Variants in VAMP5 observed in about 807,000 individuals in gnomAD.
The protein encoded by VAMP5 is vesicle-associated membrane protein 5.
In VAMP5, 10 loss-of-function variants were observed where a neutral mutation model predicts 8.1. The ratio of observed to expected loss-of-function variants is 1.23; its 90% CI spans 0.76 to 2.09. The LOEUF (loss-of-function observed/expected upper bound fraction) is 2.09. Among genes scored for constraint, VAMP5 ranks in the 30% most tolerant of loss-of-function variants. The probability of loss-of-function intolerance (pLI) is 0.00; values close to 1 mark genes in which losing one functional copy is unlikely to be tolerated. For synonymous variants in VAMP5, 62 were observed against 60.6 expected (o/e 1.02, Z -0.11); for missense variants, 135 against 152.5 (o/e 0.89, Z 0.60).
At chr2:85,585,969 G>A (rs1672454160) in intron 1 of VAMP5, among the ~76,000 whole-genome samples, 1 of 152,224 alleles carries the variant, frequency 6.6e-6, no homozygotes, top group Admixed American at 6.5e-5. Flanking sequence ...GAACAAAGCA[G>A]TGATGGGAAA....
At chr2:85,586,359 G>A (rs909168264) in intron 1 of VAMP5, among the ~76,000 whole-genome samples, 1 of 151,914 alleles carries the variant, frequency 6.6e-6, no homozygotes. Context: ...GGCAGATCAC[G>A]AGTTCAACAG....
intron 1 of VAMP5, among the ~76,000 whole-genome samples, chr2:85,587,375 T>A (rs1364654968): frequency 1.3e-5 from 2 of 151,876 alleles, no homozygotes; most frequent in Non-Finnish European, 2.9e-5. Context: ...TGCCTCAGCC[T>A]CCCGAGTAGC....
At chr2:85,586,992 G>C (rs569894440) in intron 1 of VAMP5, among the ~76,000 whole-genome samples, 1 of 151,272 alleles carries the variant, frequency 6.6e-6, no homozygotes, top group African/African-American at 2.4e-5. Flanking sequence ...GGAGAATGGC[G>C]TGAACCCAGG....
intron 1 of VAMP5, among the ~76,000 whole-genome samples, chr2:85,588,923 A>G (rs930738155): frequency 4.6e-5 from 7 of 152,010 alleles, no homozygotes; most frequent in Admixed American, 6.6e-5. Flanking sequence ...CGCACAGTGT[A>G]ACTCTTTACT....
chr2:85,586,449 G>T (rs555082359), intron 1 of VAMP5, among the ~76,000 whole-genome samples: 1 of 152,168 alleles, frequency 6.6e-6, no homozygotes, highest in Non-Finnish European at 1.5e-5. Flanking sequence ...GGTGGCACAC[G>T]CCTGTAGTCC....
At chr2:85,586,089 G>A (rs1001074631) in intron 1 of VAMP5, among the ~76,000 whole-genome samples, 3 of 152,178 alleles carry the variant, frequency 2.0e-5, no homozygotes, top group African/African-American at 4.8e-5. Context: ...ACACAAATTA[G>A]GTTGGTAGCA....
intron 1 of VAMP5, among the ~76,000 whole-genome samples, chr2:85,589,949 C>T (rs866995255): frequency 6.2e-4 from 95 of 152,276 alleles, no homozygotes; most frequent in African/African-American, 2.0e-3. Context: ...TGAGCCACTG[C>T]GCCCAGCCTG....
chr2:85,586,860 G>C (rs1672468533), intron 1 of VAMP5, among the ~76,000 whole-genome samples: 1 of 152,082 alleles, frequency 6.6e-6, no homozygotes, highest in Non-Finnish European at 1.5e-5. Flanking sequence ...TGGATCACGA[G>C]GTCAGGAGTT....
In VAMP5 at chr2:85,589,201, G is replaced by A. The variant is rs192247659; in HGVS notation, c.4-2524G>A. Among the ~76,000 whole-genome samples, 11 of 152,338 alleles carry A rather than the reference G, an allele frequency of 7.2e-5. No homozygotes were observed. The East Asian group carries it at 1.4e-3, about 19-fold the overall frequency. On this transcript the variant is annotated intron_variant, in intron 1 of 2. Coordinates refer to ENST00000306384, the MANE Select transcript of VAMP5 (RefSeq NM_006634.3). Reference sequence around the variant, plus strand: ...ACATTATGCTGAGTGACAGTGTGGCGTAAGGCAGTATGGCCCTTGTCCTCT... The same window carrying A: ...ACATTATGCTGAGTGACAGTGTGGCATAAGGCAGTATGGCCCTTGTCCTCT...
intron 1 of VAMP5, among the ~76,000 whole-genome samples, chr2:85,589,502 C>T (rs948783209): frequency 2.2e-4 from 33 of 152,246 alleles, no homozygotes; most frequent in Non-Finnish European, 4.0e-4. Flanking sequence ...CCAAATATCA[C>T]CCCTTGTTGA....
chr2:85,592,210 G>A (rs934052874), intron 2 of VAMP5, among the ~76,000 whole-genome samples: 8 of 152,156 alleles, frequency 5.3e-5, no homozygotes, highest in Non-Finnish European at 1.2e-4. Context: ...TGATCCTCCT[G>A]CCTCAGCCTC....
intron 1 of VAMP5, 95 bp downstream of exon 1, chr2:85,584,588 T>G (rs1573348573): frequency 8.2e-7 from 1 of 1,216,790 alleles, no homozygotes; most frequent in Non-Finnish European, 1.0e-6. Flanking sequence ...GGCTGGGGCC[T>G]CCCCTGGGGC....
Position 85,591,804 on chromosome 2 carries a change from T to C in VAMP5, c.83T>C (p.Leu28Pro). The part of the protein sequence containing the change: ...EIMRNNFGKV[L>P]ERGVKLAELQ... ...ATGCGTAACAACTTCGGCAAGGTCCTGGAGCGTGGTGTGAAGCTGGCCGAA... is the reference window on the plus strand; with the variant it reads ...ATGCGTAACAACTTCGGCAAGGTCCCGGAGCGTGGTGTGAAGCTGGCCGAA... Residue 28 changes from leucine to proline, a missense_variant, in exon 2 of 3, where the codon CTG (leucine) becomes CCG (proline). Leu to Pro is a moderately conservative substitution (Grantham distance 98). Coordinates refer to ENST00000306384, the MANE Select transcript of VAMP5 (RefSeq NM_006634.3). 1.2e-6 allele frequency: 2 copies of C among 1,614,180 alleles called. No homozygotes were observed. The highest frequency in any genetic ancestry group is 1.7e-6 in the Non-Finnish European group (2 of 1,180,032).
At position 85,593,332 on chromosome 2, in the gene VAMP5, T is replaced by C. The variant is rs1672578719; in HGVS notation, c.*175T>C. 7 of 699,414 alleles carry C rather than the reference T, an allele frequency of 1.0e-5. No homozygotes were observed. The Admixed American group carries it at 1.7e-4, about 17-fold the overall frequency. The allele number at this position is 699,414 out of a possible 1,614,324, so 43.3% of individuals were successfully genotyped here. A position where few individuals can be genotyped will look rare whatever the true frequency, so the allele number is the denominator to read the frequency against. ...AGACTGGCCCTTGAGGGCAGCCTGC[T>C]GTACTGGCCATGCTGGGCCAGCCCC... On this transcript the variant is annotated 3_prime_UTR_variant, in exon 3 of 3. Coordinates refer to ENST00000306384, the MANE Select transcript of VAMP5 (RefSeq NM_006634.3).
intron 1 of VAMP5, among the ~76,000 whole-genome samples, chr2:85,589,358 C>T (rs1212731705): frequency 1.3e-5 from 2 of 152,146 alleles, no homozygotes; most frequent in Non-Finnish European, 2.9e-5. Flanking sequence ...AGTCTAAGGC[C>T]TCTGTGTTCC....
At chr2:85,592,001 C>T (rs1052499880) in intron 2 of VAMP5, 139 bp downstream of exon 2, 1 of 1,287,966 alleles carries the variant, frequency 7.8e-7, no homozygotes, top group African/African-American at 1.5e-5. Flanking sequence ...TTTCCTCAGG[C>T]ACCCATAGCC....
At position 85,593,232 on chromosome 2, in the gene VAMP5, T is replaced by C; in HGVS notation, c.*75T>C. 1 of 1,534,742 alleles carries C rather than the reference T, an allele frequency of 6.5e-7. No homozygotes were observed. Among genetic ancestry groups the C allele is most frequent in the Admixed American group, 1.8e-5 (1 of 55,406 alleles). On this transcript the variant is annotated 3_prime_UTR_variant, in exon 3 of 3. Coordinates refer to ENST00000306384, the MANE Select transcript of VAMP5 (RefSeq NM_006634.3). ...GTCTCCAGAGGACCTTGGTGTTTGC[T>C]CTCCCTTGACCCACCCCAGTGAGTG...
chr2:85,590,881 C>T (rs976853701), intron 1 of VAMP5, among the ~76,000 whole-genome samples: 2 of 152,242 alleles, frequency 1.3e-5, no homozygotes, highest in South Asian at 4.1e-4. Flanking sequence ...CAGACTTTCT[C>T]TCTCCCCTGT....
intron 1 of VAMP5, among the ~76,000 whole-genome samples, chr2:85,589,660 T>A (rs1011721842): frequency 6.6e-6 from 1 of 152,152 alleles, no homozygotes; most frequent in African/African-American, 2.4e-5. Context: ...TTGTTTTTTG[T>A]TTTGTTTTGT....
Sources: gnomAD v4.1 joint callset for allele counts (sites outside exome capture counted in the v4.1 genomes callset) on GRCh38, gnomAD v4.1.1 for gene constraint, MANE v1.5 for transcripts, NCBI Gene and HGNC (gene_info 2026-07-23, HGNC 2026-07-21) for gene names.